The following FBXL17 variants were observed in gnomAD, a reference collection of about 807,000 sequenced individuals.
FBXL17 encodes F-box and leucine rich repeat protein 17, also known as F-box/LRR-repeat protein 17.
A neutral mutation model predicts 66.2 loss-of-function variants in FBXL17; 22 were observed. The ratio of observed to expected loss-of-function variants is 0.33; its 90% CI spans 0.24 to 0.47. The LOEUF (loss-of-function observed/expected upper bound fraction) is 0.47. Ranked by LOEUF, FBXL17 falls within the 20% of genes least tolerant of loss-of-function variation. The probability of loss-of-function intolerance (pLI) is 1.00; values close to 1 mark genes in which losing one functional copy is unlikely to be tolerated. For missense variants in FBXL17, 878 were observed against 948.2 expected, an observed-to-expected ratio of 0.93 and a Z score of 0.97; for synonymous variants, 474 against 400.5, an observed-to-expected ratio of 1.18 and a Z score of -2.19.
chr5:108,347,536 A>G (rs563389589), intron 4 of FBXL17, among the ~76,000 whole-genome samples: 24 of 152,342 alleles, frequency 1.6e-4, no homozygotes, highest in African/African-American at 5.0e-4. Flanking sequence ...TACATGATAA[A>G]CACGAATGAG....
rs1748111070 is a variant in FBXL17, at chr5:107,861,229, G to C, written c.*491C>G. On this transcript the variant is annotated 3_prime_UTR_variant, in exon 9 of 9. Coordinates refer to ENST00000542267, the MANE Select transcript of FBXL17 (RefSeq NM_001163315.3). ...CTTCTCTGTCAGGAAACGATCTAGA[G>C]TAGATCAGAGCCCTGGTGTAGATGT... is the stretch of plus-strand genomic sequence containing the variant. The C allele has an allele frequency of 6.6e-6, 1 of 152,234 alleles. No homozygotes were observed. The highest frequency in any genetic ancestry group is 1.5e-5 in the Non-Finnish European group (1 of 68,078). 9.4% of individuals were successfully genotyped at this position (152,234 alleles called of 1,614,324 possible). A position where few individuals can be genotyped will look rare whatever the true frequency, so the allele number is the denominator to read the frequency against.
At chr5:108,257,571 A>T (rs1052118163) in intron 4 of FBXL17, among the ~76,000 whole-genome samples, 5 of 152,238 alleles carry the variant, frequency 3.3e-5, no homozygotes, top group South Asian at 4.1e-4. Flanking sequence ...ATCAGGTGCT[A>T]TCTCATGTAA....
intron 6 of FBXL17, among the ~76,000 whole-genome samples, chr5:108,052,963 A>C (rs553725694): frequency 1.3e-5 from 2 of 152,230 alleles, no homozygotes; most frequent in Non-Finnish European, 2.9e-5. Flanking sequence ...TCTCCTATTC[A>C]ATAAATGGTG....
chr5:107,899,935 C>A (rs1005679868), intron 7 of FBXL17, among the ~76,000 whole-genome samples: 2 of 152,090 alleles, frequency 1.3e-5, no homozygotes, highest in African/African-American at 4.8e-5. Flanking sequence ...TGTACTTGTA[C>A]CCCCTAAATA....
chr5:107,873,555 A>G (rs1748522124), intron 8 of FBXL17, among the ~76,000 whole-genome samples: 1 of 152,198 alleles, frequency 6.6e-6, no homozygotes, highest in Admixed American at 6.5e-5. Flanking sequence ...CTGGATGGCC[A>G]GGCCTGGCAT....
chr5:107,943,423 C>T (rs537284668), intron 7 of FBXL17, among the ~76,000 whole-genome samples: 1 of 152,270 alleles, frequency 6.6e-6, no homozygotes, highest in Admixed American at 6.5e-5. Context: ...CTTCGGTCTT[C>T]CCTTTCCCTT....
chr5:108,032,701 C>A (rs1746691187), intron 6 of FBXL17, among the ~76,000 whole-genome samples: 1 of 152,246 alleles, frequency 6.6e-6, no homozygotes, highest in East Asian at 1.9e-4. Context: ...GGGATGACAC[C>A]CTGATATTGG....
intron 6 of FBXL17, among the ~76,000 whole-genome samples, chr5:108,093,301 T>C (rs1183506445): frequency 6.6e-6 from 1 of 151,738 alleles, no homozygotes; most frequent in African/African-American, 2.4e-5. Flanking sequence ...AAAGAGTAGT[T>C]TGTTGCAGAC....
intron 6 of FBXL17, among the ~76,000 whole-genome samples, chr5:108,116,183 G>A (rs146908749): frequency 2.6e-5 from 4 of 152,158 alleles, no homozygotes; most frequent in African/African-American, 9.6e-5. Flanking sequence ...GCATAGTAAG[G>A]GTTTCTCTGC....
chr5:108,062,471 G>A (rs1412952767), intron 6 of FBXL17, among the ~76,000 whole-genome samples: 2 of 151,950 alleles, frequency 1.3e-5, no homozygotes, highest in East Asian at 3.9e-4. Flanking sequence ...TATTATAGTT[G>A]ACTATTCTAT....
rs1166042537 is a variant in FBXL17, at chr5:108,380,737, G to C, written c.955C>G (p.Pro319Ala). 7.2e-6 allele frequency: 9 copies of C among 1,250,010 alleles called. No homozygotes were observed. Among genetic ancestry groups the C allele is most frequent in the Non-Finnish European group, 9.1e-6 (9 of 989,640 alleles). The allele number at this position is 1,250,010 out of a possible 1,614,324, so 77.4% of individuals were successfully genotyped here. A position where few individuals can be genotyped will look rare whatever the true frequency, so the allele number is the denominator to read the frequency against. Residue 319 changes from proline (P) to alanine (A), a missense_variant, in exon 1 of 9, where the codon CCA (proline) becomes GCA (alanine). Pro to Ala is a conservative substitution (Grantham distance 27). Coordinates refer to ENST00000542267, the MANE Select transcript of FBXL17 (RefSeq NM_001163315.3). ...GACGGCGGCAGCTGGTTGATGTCTG[G>C]GGTTTCGGGGGGCGGCTCCCTGTGA... ...DCHREPPPET[P>A]DINQLPPSIL... is the part of the protein sequence containing the mutation.
At chr5:108,207,217 T>C (rs1047373215) in intron 5 of FBXL17, among the ~76,000 whole-genome samples, 3 of 152,178 alleles carry the variant, frequency 2.0e-5, no homozygotes, top group Non-Finnish European at 4.4e-5. Context: ...AAACTGCAGA[T>C]AAGGGAAAAG....
At chr5:107,906,768 A>C (rs1749775134) in intron 7 of FBXL17, among the ~76,000 whole-genome samples, 1 of 152,222 alleles carries the variant, frequency 6.6e-6, no homozygotes, top group Non-Finnish European at 1.5e-5. Context: ...AAAGTAACCA[A>C]AGAGATTTAA....
intron 1 of FBXL17, among the ~76,000 whole-genome samples, chr5:108,371,444 A>C (rs992769291): frequency 1.3e-5 from 2 of 152,224 alleles, no homozygotes; most frequent in Non-Finnish European, 2.9e-5. Flanking sequence ...ACATAAATGA[A>C]TGTATACAAC....
At chr5:108,110,322 A>G (rs1275812214) in intron 6 of FBXL17, among the ~76,000 whole-genome samples, 2 of 152,252 alleles carry the variant, frequency 1.3e-5, no homozygotes, top group Non-Finnish European at 2.9e-5. Context: ...TATATTAACA[A>G]CTGAAATAGA....
chr5:108,312,035 G>A (rs1270064977), intron 4 of FBXL17, among the ~76,000 whole-genome samples: 1 of 152,110 alleles, frequency 6.6e-6, no homozygotes, highest in Admixed American at 6.6e-5. Context: ...GCTACCGTCA[G>A]AAGACAGAAA....
intron 3 of FBXL17, among the ~76,000 whole-genome samples, chr5:108,352,508 T>C (rs1030118895): frequency 6.6e-6 from 1 of 152,192 alleles, no homozygotes; most frequent in Admixed American, 6.5e-5. Flanking sequence ...ACAATTCTTT[T>C]TTGTTGTTGT....
chr5:107,987,477 A>G (rs191681610), intron 7 of FBXL17, among the ~76,000 whole-genome samples: 1 of 152,168 alleles, frequency 6.6e-6, no homozygotes, highest in East Asian at 1.9e-4. Flanking sequence ...GGTGCTTTTT[A>G]TAAGTTCATG....
chr5:108,367,773 G>A (rs1748766906), intron 2 of FBXL17, 58 bp downstream of exon 2: 1 of 1,406,730 alleles, frequency 7.1e-7, no homozygotes. Context: ...TTCTGAAGAG[G>A]AATAAAGATA....
Sources: gnomAD v4.1 joint callset for allele counts (sites outside exome capture counted in the v4.1 genomes callset) on GRCh38, gnomAD v4.1.1 for gene constraint, MANE v1.5 for transcripts, NCBI Gene and HGNC (gene_info 2026-07-23, HGNC 2026-07-21) for gene names.